MGMT: variants seen among roughly 807,000 people sequenced by gnomAD.
MGMT encodes methylated-DNA--protein-cysteine methyltransferase.
MGMT carries 14 observed loss-of-function variants against 15.9 expected under a neutral mutation model. That is an observed-to-expected ratio of 0.88 (90% CI 0.58 to 1.37). The LOEUF is 1.37. Among genes scored for constraint, MGMT ranks in the 40% most tolerant of loss-of-function variants. The pLI, the probability that MGMT is intolerant of heterozygous loss-of-function variation, is 0.00. For missense variants in MGMT, 282 were observed against 268.1 expected, an observed-to-expected ratio of 1.05 and a Z score of -0.36; for synonymous variants, 130 against 118.2, an observed-to-expected ratio of 1.10 and a Z score of -0.65.
chr10:129,727,100 G>T (rs1848442877), intron 3 of MGMT, among the ~76,000 whole-genome samples: 1 of 152,168 alleles, frequency 6.6e-6, no homozygotes, highest in African/African-American at 2.4e-5. Flanking sequence ...AAGAGCCATG[G>T]GTTAGCCAGT....
chr10:129,539,636 A>G (rs1359239401), intron 2 of MGMT, among the ~76,000 whole-genome samples: 1 of 151,914 alleles, frequency 6.6e-6, no homozygotes, highest in East Asian at 1.9e-4. Flanking sequence ...CCTCCCGAGT[A>G]GCTGAGACTA....
chr10:129,639,472 G>T (rs75083961), intron 2 of MGMT, among the ~76,000 whole-genome samples: 4 of 152,132 alleles, frequency 2.6e-5, no homozygotes, highest in Admixed American at 1.3e-4. Flanking sequence ...AATCAGTAAG[G>T]ATATAGACAA....
intron 2 of MGMT, among the ~76,000 whole-genome samples, chr10:129,645,501 GT>G (rs1484617385): frequency 2.0e-5 from 3 of 152,164 alleles, no homozygotes; most frequent in Non-Finnish European, 4.4e-5. Context: ...CTCTTTGCAG[GT>G]TGATGGCTGG....
intron 1 of MGMT, among the ~76,000 whole-genome samples, chr10:129,488,002 T>TACACACACAC (rs1491199847): frequency 2.6e-5 from 2 of 75,786 alleles, no homozygotes; most frequent in African/African-American, 4.3e-5. Flanking sequence ...CACACATAGG[T>TACACACACAC]ATACACACAC....
At chr10:129,545,520 A>G (rs1389782865) in intron 2 of MGMT, among the ~76,000 whole-genome samples, 1 of 152,176 alleles carries the variant, frequency 6.6e-6, no homozygotes, top group Non-Finnish European at 1.5e-5. Flanking sequence ...TTGGACGGTG[A>G]TGTGCTGTTT....
At chr10:129,570,288 T>A (rs1846402087) in intron 2 of MGMT, among the ~76,000 whole-genome samples, 1 of 152,260 alleles carries the variant, frequency 6.6e-6, no homozygotes, top group South Asian at 2.1e-4. Flanking sequence ...AATCCTGGGC[T>A]TTTGTTGGTG....
intron 2 of MGMT, among the ~76,000 whole-genome samples, chr10:129,594,670 C>A (rs1846729542): frequency 6.6e-6 from 1 of 152,176 alleles, no homozygotes; most frequent in Non-Finnish European, 1.5e-5. Flanking sequence ...ACAATACGAA[C>A]AGTAACACCC....
chr10:129,733,793 C>G (rs1028714210), intron 3 of MGMT, among the ~76,000 whole-genome samples: 6 of 152,136 alleles, frequency 3.9e-5, no homozygotes, highest in Non-Finnish European at 2.9e-5. Flanking sequence ...GCCAGTTTTC[C>G]CAGCACCATT....
intron 2 of MGMT, among the ~76,000 whole-genome samples, chr10:129,583,594 G>T (rs1269762437): frequency 6.6e-6 from 1 of 152,170 alleles, no homozygotes; most frequent in Non-Finnish European, 1.5e-5. Flanking sequence ...GTCCTGTTCT[G>T]CCCTTTTCCC....
chr10:129,707,506 G>A (rs1317710101), intron 2 of MGMT, among the ~76,000 whole-genome samples: 1 of 152,184 alleles, frequency 6.6e-6, no homozygotes, highest in African/African-American at 2.4e-5. Context: ...TGCGTTGTTG[G>A]ACTCGGGGTG....
intron 2 of MGMT, among the ~76,000 whole-genome samples, chr10:129,602,688 CT>C (rs1846838423): frequency 6.6e-6 from 1 of 152,084 alleles, no homozygotes; most frequent in Non-Finnish European, 1.5e-5. Context: ...CCCCACGTGC[CT>C]GGGTAATACC....
At chr10:129,602,446 T>C (rs1846835223) in intron 2 of MGMT, among the ~76,000 whole-genome samples, 2 of 152,184 alleles carry the variant, frequency 1.3e-5, no homozygotes, top group Non-Finnish European at 2.9e-5. Context: ...GTGCTCCTCT[T>C]GTGAGAGCGG....
intron 2 of MGMT, among the ~76,000 whole-genome samples, chr10:129,590,447 A>G (rs1241769947): frequency 1.3e-5 from 2 of 152,216 alleles, no homozygotes; most frequent in Non-Finnish European, 2.9e-5. Flanking sequence ...AAGAGACTGG[A>G]TACAATGTGA....
At chr10:129,713,987 G>C (rs528356090) in intron 3 of MGMT, among the ~76,000 whole-genome samples, 1 of 152,328 alleles carries the variant, frequency 6.6e-6, no homozygotes, top group South Asian at 2.1e-4. Flanking sequence ...TTGAATACCT[G>C]CATCACCTCC....
rs183583773 is a variant in MGMT, at chr10:129,556,687, G to C, written c.125+20310G>C. Reference sequence around the variant, plus strand: ...CGGCAAAGTCAGGACGGGCAGGAGCGTTCTAGGCAAATGATGAAAATGGTA... The same window carrying C: ...CGGCAAAGTCAGGACGGGCAGGAGCCTTCTAGGCAAATGATGAAAATGGTA... On this transcript the variant is annotated intron_variant, in intron 2 of 4. Transcript: ENST00000651593. The surrounding 1 kb of genome is among the most constrained non-coding windows in gnomAD (Gnocchi z 4.3). 6.6e-6 allele frequency among the ~76,000 whole-genome samples: 1 copy of C among 152,178 alleles called. No homozygotes were observed. Among genetic ancestry groups the C allele is most frequent in the Non-Finnish European group, 1.5e-5 (1 of 68,016 alleles).
chr10:129,658,522 T>C (rs1847557829), intron 2 of MGMT, among the ~76,000 whole-genome samples: 1 of 152,186 alleles, frequency 6.6e-6, no homozygotes, highest in African/African-American at 2.4e-5. Context: ...GCTTTGAAAG[T>C]CCATGTTATT....
Position 129,566,551 on chromosome 10 carries a change from C to T in MGMT, c.125+30174C>T, listed in dbSNP as rs371258321. The stretch of plus-strand genomic sequence containing the variant: ...CCATTCCGTGTCTCTCTGGAGGGCC[C>T]ATCATCATCCTGGTGGAGGTGTTGC... On this transcript the variant is annotated intron_variant, in intron 2 of 4. Coordinates refer to ENST00000651593, the MANE Select transcript of MGMT (RefSeq NM_002412.5). This position sits in a 1 kb window ranked among gnomAD's most constrained non-coding sequence, Gnocchi z 4.1. Among the ~76,000 whole-genome samples, 33 of 152,268 alleles carry T rather than the reference C, an allele frequency of 2.2e-4. 1 individual carries two copies. Among genetic ancestry groups the T allele is most frequent in the South Asian group, 2.1e-3 (10 of 4,818 alleles).
At chr10:129,601,587 C>T (rs977193131) in intron 2 of MGMT, among the ~76,000 whole-genome samples, 2 of 152,180 alleles carry the variant, frequency 1.3e-5, no homozygotes, top group African/African-American at 2.4e-5. Context: ...CTCATCCTAG[C>T]ACCACCTCGA....
intron 1 of MGMT, among the ~76,000 whole-genome samples, chr10:129,509,624 G>A (rs1247323155): frequency 1.3e-5 from 2 of 152,176 alleles, no homozygotes; most frequent in African/African-American, 4.8e-5. Context: ...CTGTGTTTAC[G>A]TGTATTTTCC....
Sources: gnomAD v4.1 joint callset for allele counts (sites outside exome capture counted in the v4.1 genomes callset) on GRCh38, gnomAD v4.1.1 for gene constraint, Gnocchi (gnomAD v3.1) non-coding constraint, MANE v1.5 for transcripts, NCBI Gene and HGNC (gene_info 2026-07-23, HGNC 2026-07-21) for gene names.